TIMD4: variants seen among roughly 807,000 people sequenced by gnomAD.
The protein encoded by TIMD4 is T-cell immunoglobulin and mucin domain-containing protein 4.
TIMD4 carries 31 observed loss-of-function variants against 41.2 expected under a neutral mutation model. That is an observed-to-expected ratio of 0.75 (90% CI 0.57 to 1.01). TIMD4 has a LOEUF of 1.01. Among genes scored for constraint, TIMD4 ranks in the 50% least tolerant of loss-of-function variants. The probability of loss-of-function intolerance (pLI) is 0.00; values close to 1 mark genes in which losing one functional copy is unlikely to be tolerated. For synonymous variants in TIMD4, 204 were observed against 177.1 expected (o/e 1.15, Z -1.21); for missense variants, 479 against 472.5 (o/e 1.01, Z -0.13).
At chr5:156,947,801 A>G (rs138743986) in intron 5 of TIMD4, among the ~76,000 whole-genome samples, 1 of 152,336 alleles carries the variant, frequency 6.6e-6, no homozygotes, top group Non-Finnish European at 1.5e-5. Context: ...TCAACTAATA[A>G]CAGTTATTAT....
At chr5:156,942,513 G>A (rs1759667715) in intron 5 of TIMD4, among the ~76,000 whole-genome samples, 1 of 152,200 alleles carries the variant, frequency 6.6e-6, no homozygotes. Flanking sequence ...CTGAAATGCG[G>A]ATGTGAGTCC....
At chr5:156,954,819 GT>G in intron 1 of TIMD4, 63 bp from the exon 2 acceptor site, 3 of 1,363,656 alleles carry the variant, frequency 2.2e-6, no homozygotes, top group African/African-American at 1.5e-5. Flanking sequence ...ATGCTACACA[GT>G]TTTTGTGCTA....
chr5:156,944,360 C>T (rs764398916), intron 5 of TIMD4, among the ~76,000 whole-genome samples: 1 of 152,204 alleles, frequency 6.6e-6, no homozygotes, highest in Non-Finnish European at 1.5e-5. Flanking sequence ...TTATGCATAT[C>T]ATTTCAGGAG....
intron 7 of TIMD4, among the ~76,000 whole-genome samples, 194 bp from the exon 8 acceptor site, chr5:156,920,697 A>G (rs1759221565): frequency 6.6e-6 from 1 of 152,240 alleles, no homozygotes; most frequent in African/African-American, 2.4e-5. Context: ...GTTAGTGCTC[A>G]TCAATTACCA....
intron 5 of TIMD4, among the ~76,000 whole-genome samples, chr5:156,946,402 A>C (rs909672269): frequency 2.0e-5 from 3 of 152,098 alleles, no homozygotes; most frequent in African/African-American, 7.2e-5. Flanking sequence ...CTCGCATTTC[A>C]TCCTAAGTTA....
rs1302820218 is a variant in TIMD4 at position 156,951,725 on chromosome 5, T to C, written c.466A>G (p.Thr156Ala). ...TRRTTTTSPT[T>A]TRQMTTTPAA... Reference sequence around the variant, plus strand: ...GGGGTTGTTGTCATTTGTCGGGTGGTGGTGGGGCTTGTTGTTGTTGTTCTG... The same window carrying C: ...GGGGTTGTTGTCATTTGTCGGGTGGCGGTGGGGCTTGTTGTTGTTGTTCTG... The change falls in exon 3 of 9, where the codon ACC becomes GCC. Residue 156 changes from threonine to alanine, a missense_variant. Physicochemically the swap from Thr to Ala is moderately conservative, Grantham distance 58 (BLOSUM62 0). Transcript: ENST00000274532. 1 of 1,613,904 alleles carries C rather than the reference T, an allele frequency of 6.2e-7. No individual in the cohort carries two copies. Among genetic ancestry groups the C allele is most frequent in the Non-Finnish European group, 8.5e-7 (1 of 1,180,006 alleles).
intron 4 of TIMD4, 70 bp downstream of exon 4, chr5:156,949,581 G>C: frequency 1.5e-6 from 2 of 1,321,448 alleles, no homozygotes; most frequent in Non-Finnish European, 2.2e-6. Context: ...GATTCAGCAA[G>C]ACTTTTAGTA....
At position 156,926,243 on chromosome 5, in the gene TIMD4, A is replaced by C; in HGVS notation, c.894+20T>G. 2 of 1,612,496 alleles carry C rather than the reference A, an allele frequency of 1.2e-6. No homozygotes were observed. Among genetic ancestry groups the C allele is most frequent in the Non-Finnish European group, 1.7e-6 (2 of 1,178,910 alleles). ...TTACTATTTAAGTGATATACTGCAA[A>C]TACTTCACAGATTTTTTACCTGTCC... On this transcript the variant is annotated intron_variant, in intron 6 of 8. Coordinates refer to ENST00000274532, the MANE Select transcript of TIMD4 (RefSeq NM_138379.3).
At chr5:156,941,641 G>C (rs1175985288) in intron 5 of TIMD4, among the ~76,000 whole-genome samples, 6 of 152,070 alleles carry the variant, frequency 3.9e-5, no homozygotes, top group Admixed American at 3.9e-4. Context: ...CCATCTTTGG[G>C]CCCCAGTGTG....
At chr5:156,932,717 G>T (rs6895316) in intron 5 of TIMD4, among the ~76,000 whole-genome samples, 3 of 152,076 alleles carry the variant, frequency 2.0e-5, no homozygotes, top group Non-Finnish European at 4.4e-5. Flanking sequence ...TAAAGAAAAC[G>T]GTTTAAGGGC....
chr5:156,948,196 C>T (rs1364171580), intron 5 of TIMD4, among the ~76,000 whole-genome samples: 1 of 151,880 alleles, frequency 6.6e-6, no homozygotes, highest in African/African-American at 2.4e-5. Flanking sequence ...AAAGACAAGC[C>T]ACTCATGAGA....
chr5:156,952,927 G>A (rs900828858), intron 2 of TIMD4, among the ~76,000 whole-genome samples: 3 of 152,200 alleles, frequency 2.0e-5, no homozygotes, highest in African/African-American at 7.2e-5. Context: ...GAGTGAGAAT[G>A]TGGTCTCTTT....
intron 5 of TIMD4, chr5:156,935,539 T>C (rs1464926572): frequency 6.6e-6 from 1 of 152,184 alleles, no homozygotes; most frequent in Admixed American, 6.5e-5. Context: ...GTGGGGTCCA[T>C]GTTGGTAATT....
chr5:156,940,488 C>G (rs1333572036), intron 5 of TIMD4, among the ~76,000 whole-genome samples: 1 of 151,246 alleles, frequency 6.6e-6, no homozygotes, highest in Non-Finnish European at 1.5e-5. Flanking sequence ...TCTTCCCGGC[C>G]GCCGCCCCGT....
chr5:156,954,756 G>A lies in TIMD4; in HGVS notation c.59C>T (p.Thr20Ile), dbSNP rs751899582. Residue 20 changes from threonine to isoleucine, a missense_variant and splice_region_variant, in exon 2 of 9, where the codon ACA (threonine) becomes ATA (isoleucine). Physicochemically the swap from Thr to Ile is moderately conservative, Grantham distance 89. Coordinates refer to ENST00000274532, the MANE Select transcript of TIMD4 (RefSeq NM_138379.3). Reference protein sequence around the residue: ...LMIEFWWLYLTPVTSETVVTE... With the variant: ...LMIEFWWLYLIPVTSETVVTE... Reference sequence around the variant, plus strand: ...CACAACAGTCTCTGAAGTGACTGGTGCTGCAAGGAAAAATGCGAAATTTAG... The same window carrying A: ...CACAACAGTCTCTGAAGTGACTGGTACTGCAAGGAAAAATGCGAAATTTAG... 1 of 1,596,982 alleles carries A rather than the reference G, an allele frequency of 6.3e-7. No individual in the cohort carries two copies. The highest frequency in any genetic ancestry group is 8.5e-7 in the Non-Finnish European group (1 of 1,170,662).
At chr5:156,933,243 G>T (rs1694894749) in intron 5 of TIMD4, among the ~76,000 whole-genome samples, 2 of 152,092 alleles carry the variant, frequency 1.3e-5, no homozygotes, top group African/African-American at 2.4e-5. Context: ...CTGGGCAAGG[G>T]TGGTGACTCA....
chr5:156,934,429 TG>T (rs1457979166), intron 5 of TIMD4, among the ~76,000 whole-genome samples: 1 of 151,778 alleles, frequency 6.6e-6, no homozygotes, highest in Non-Finnish European at 1.5e-5. Flanking sequence ...CTAGTGTGTG[TG>T]GTTTTTTTTG....
chr5:156,960,382 T>C (rs1266249528), intron 1 of TIMD4, among the ~76,000 whole-genome samples: 1 of 151,404 alleles, frequency 6.6e-6, no homozygotes, highest in Non-Finnish European at 1.5e-5. Flanking sequence ...GCTTTCATTC[T>C]GTAGATTGTT....
intron 1 of TIMD4, among the ~76,000 whole-genome samples, chr5:156,955,975 G>A (rs1759963187): frequency 6.6e-6 from 1 of 152,094 alleles, no homozygotes; most frequent in Admixed American, 6.5e-5. Context: ...ACAAACTTTT[G>A]TGGCAAGAAC....
Sources: allele counts gnomAD v4.1 joint callset (sites outside exome capture counted in the v4.1 genomes callset), GRCh38; gene constraint gnomAD v4.1.1; transcripts MANE v1.5; gene names NCBI Gene and HGNC (gene_info 2026-07-23, HGNC 2026-07-21).